Variants in MAST4 observed in about 807,000 individuals in gnomAD.
The protein encoded by MAST4 is microtubule-associated serine/threonine-protein kinase 4.
MAST4 carries 89 observed loss-of-function variants against 162.7 expected under a neutral mutation model. The observed-to-expected ratio is 0.55, with a 90% CI of 0.46 to 0.65. The LOEUF is 0.65. Ranked by LOEUF, MAST4 falls within the 30% of genes least tolerant of loss-of-function variation. MAST4 has a pLI of 0.00. For synonymous variants in MAST4, 1,479 were observed against 1,361.1 expected (o/e 1.09, Z -1.91); for missense variants, 3,153 against 3,374.0 (o/e 0.93, Z 1.62).
At chr5:66,617,253 A>T (rs950677838) in intron 1 of MAST4, among the ~76,000 whole-genome samples, 2 of 152,218 alleles carry the variant, frequency 1.3e-5, no homozygotes, top group African/African-American at 4.8e-5. Context: ...GCATCGTAGC[A>T]TGCTGTAGGC....
At chr5:66,884,399 T>TG (rs1406218088) in intron 3 of MAST4, among the ~76,000 whole-genome samples, 12 of 152,180 alleles carry the variant, frequency 7.9e-5, no homozygotes, top group African/African-American at 2.9e-4. Flanking sequence ...CAACACTCTT[T>TG]GGGGAAATGT....
At position 67,089,067 on chromosome 5, in the gene MAST4, T is replaced by C. The variant is rs192143821; in HGVS notation, c.764-1095T>C. 4.4e-3 allele frequency among the ~76,000 whole-genome samples: 666 copies of C among 152,354 alleles called. 1 individual carries two copies. The highest frequency in any genetic ancestry group is 7.0e-3 in the Non-Finnish European group (478 of 68,026). ...TTACACCCAATTACAATAGTCACTTTCATTAAGAAACCAGTAATGTGGCAA... is the reference window on the plus strand; with the variant it reads ...TTACACCCAATTACAATAGTCACTTCCATTAAGAAACCAGTAATGTGGCAA... On this transcript the variant is annotated intron_variant, in intron 5 of 28. Coordinates refer to ENST00000403625, the MANE Select transcript of MAST4 (RefSeq NM_001164664.2).
chr5:66,633,190 C>T (rs1744897799), intron 1 of MAST4, among the ~76,000 whole-genome samples: 1 of 152,156 alleles, frequency 6.6e-6, no homozygotes. Context: ...GCCCTTGTGT[C>T]TGAAAAGACC....
At chr5:67,097,460 G>A (rs541771228) in intron 7 of MAST4, among the ~76,000 whole-genome samples, 148 of 152,016 alleles carry the variant, frequency 9.7e-4, no homozygotes, top group African/African-American at 3.4e-3. Context: ...GTCAGAATAC[G>A]GTAAGCAGTT....
At chr5:67,125,084 T>TA (rs1284961020) in intron 14 of MAST4, among the ~76,000 whole-genome samples, 6 of 152,068 alleles carry the variant, frequency 3.9e-5, no homozygotes, top group Non-Finnish European at 5.9e-5. Context: ...CTAAACTTAC[T>TA]AAAAAACAAC....
intron 4 of MAST4, among the ~76,000 whole-genome samples, chr5:66,960,151 AG>A (rs1406359350): frequency 5.9e-5 from 9 of 152,250 alleles, no homozygotes; most frequent in Non-Finnish European, 7.3e-5. Context: ...AATTCTGTAC[AG>A]TCCCAATAAT....
At chr5:67,148,961 A>G (rs1002499947) in intron 23 of MAST4, among the ~76,000 whole-genome samples, 1 of 152,212 alleles carries the variant, frequency 6.6e-6, no homozygotes, top group African/African-American at 2.4e-5. Context: ...CATCAGTATC[A>G]TAAGGTAATC....
chr5:66,701,813 A>G (rs756951650), intron 1 of MAST4, among the ~76,000 whole-genome samples: 1 of 146,966 alleles, frequency 6.8e-6, no homozygotes, highest in Non-Finnish European at 1.5e-5. Context: ...CTTATAGGTT[A>G]TAGGATTTTT....
At chr5:66,863,126 A>G (rs1488053634) in intron 3 of MAST4, among the ~76,000 whole-genome samples, 1 of 152,232 alleles carries the variant, frequency 6.6e-6, no homozygotes, top group Non-Finnish European at 1.5e-5. Context: ...TACAAAAATT[A>G]CAGTAATGTG....
At chr5:66,990,859 G>A (rs1400620733) in intron 4 of MAST4, among the ~76,000 whole-genome samples, 1 of 152,086 alleles carries the variant, frequency 6.6e-6, no homozygotes, top group African/African-American at 2.4e-5. Context: ...TGGGGAAACA[G>A]ATATAGTTTT....
At chr5:66,824,710 A>G (rs1044062957) in intron 3 of MAST4, among the ~76,000 whole-genome samples, 5 of 152,234 alleles carry the variant, frequency 3.3e-5, no homozygotes, top group African/African-American at 1.2e-4. Flanking sequence ...TGTTGTGTGA[A>G]CATCATTGAG....
rs114431520 is a variant in MAST4, at chr5:66,932,200, T to C, written c.674+32218T>C. ...AGGTCTGTCACCGTTATCAGAAACA[T>C]GCCAAAACCTTATCAGTTTATATGA... On this transcript the variant is annotated intron_variant, in intron 4 of 28. Transcript: ENST00000403625. 6.7e-3 allele frequency among the ~76,000 whole-genome samples: 1,026 copies of C among 152,330 alleles called. 14 individuals carry two copies. Among genetic ancestry groups the C allele is most frequent in the African/African-American group, 0.024 (981 of 41,574 alleles).
chr5:66,915,171 C>T (rs900865661), intron 4 of MAST4, among the ~76,000 whole-genome samples: 5 of 148,330 alleles, frequency 3.4e-5, no homozygotes, highest in Non-Finnish European at 5.9e-5. Context: ...GAGGCTGATG[C>T]GGGAGAATCA....
At chr5:66,966,209 C>G (rs191510907) in intron 4 of MAST4, among the ~76,000 whole-genome samples, 3 of 152,328 alleles carry the variant, frequency 2.0e-5, no homozygotes, top group Non-Finnish European at 4.4e-5. Flanking sequence ...AAGACATACA[C>G]ATGTTGCTCT....
At chr5:66,878,035 A>G (rs773060911) in intron 3 of MAST4, among the ~76,000 whole-genome samples, 2 of 152,240 alleles carry the variant, frequency 1.3e-5, no homozygotes, top group Non-Finnish European at 2.9e-5. Context: ...CTCATGAAGG[A>G]AAGTGGAAAA....
intron 1 of MAST4, among the ~76,000 whole-genome samples, chr5:66,657,904 A>G (rs1746654669): frequency 6.6e-6 from 1 of 152,250 alleles, no homozygotes; most frequent in African/African-American, 2.4e-5. Context: ...GAAAGTAAAA[A>G]GTTGAAACAT....
At chr5:67,040,897 G>A (rs936630222) in intron 4 of MAST4, among the ~76,000 whole-genome samples, 7 of 152,158 alleles carry the variant, frequency 4.6e-5, no homozygotes, top group Non-Finnish European at 8.8e-5. Context: ...TTTAGATCCC[G>A]GTTCTCCCAC....
chr5:67,069,312 A>ATATATATATATATATATATATATATATAT (rs1561606003), intron 5 of MAST4, among the ~76,000 whole-genome samples: 15 of 134,064 alleles, frequency 1.1e-4, no homozygotes, highest in African/African-American at 3.3e-4. Flanking sequence ...ATATATATAT[A>ATATATATATATATATATATATATATATAT]AAATTTTAAA....
intron 9 of MAST4, 114 bp from the exon 10 acceptor site, chr5:67,104,251 TC>T (rs1765352445): frequency 2.6e-6 from 2 of 762,028 alleles, no homozygotes; most frequent in Middle Eastern, 3.8e-4. Context: ...ATTTCTAGAA[TC>T]CCATTTAACA....
Sources: gnomAD v4.1 joint callset for allele counts (sites outside exome capture counted in the v4.1 genomes callset) on GRCh38, gnomAD v4.1.1 for gene constraint, MANE v1.5 for transcripts, NCBI Gene and HGNC (gene_info 2026-07-23, HGNC 2026-07-21) for gene names.